The following ANXA8L1 variants were observed in gnomAD, a reference collection of about 807,000 sequenced individuals.
ANXA8L1 encodes annexin A8-like protein 1.
A neutral mutation model predicts 22.5 loss-of-function variants in ANXA8L1; 10 were observed. The observed-to-expected ratio is 0.44, with a 90% confidence interval of 0.27 to 0.75. The LOEUF (loss-of-function observed/expected upper bound fraction) is 0.75, where lower values mean the gene tolerates loss of function less well. Among genes scored for constraint, ANXA8L1 ranks in the 30% least tolerant of loss-of-function variants. ANXA8L1 has a pLI of 0.15. For missense variants in ANXA8L1, 88 were observed against 219.6 expected, an observed-to-expected ratio of 0.40 and a Z score of 3.79; for synonymous variants, 36 against 86.0, an observed-to-expected ratio of 0.42 and a Z score of 3.22.
rs1235909247 is a variant in ANXA8L1, at chr10:46,378,785, A to G, written c.22-1100A>G. On this transcript the variant is annotated intron_variant, in intron 1 of 11. Coordinates refer to ENST00000619162, the MANE Select transcript of ANXA8L1 (RefSeq NM_001098845.3). The stretch of plus-strand genomic sequence containing the variant: ...TTTGAAATTAAAGCAAAGAGTTCAG[A>G]AAGATGCCTTACCTCTTACTCAAAG... Among the ~76,000 whole-genome samples the G allele has an allele frequency of 1.0e-3, 97 of 96,548 alleles. 1 individual carries two copies. Among genetic ancestry groups the G allele is most frequent in the African/African-American group, 4.8e-3 (94 of 19,592 alleles). The allele number at this position is 96,548 out of a possible 152,430, so 63.3% of individuals were successfully genotyped here. A position where few individuals can be genotyped will look rare whatever the true frequency, so the allele number is the denominator to read the frequency against.
Position 46,384,791 on chromosome 10 carries a change from G to T in ANXA8L1, c.510G>T (p.Val170=), listed in dbSNP as rs1840015115. 1 of 1,613,172 alleles carries T rather than the reference G, an allele frequency of 6.2e-7. No homozygotes were observed. The highest frequency in any genetic ancestry group is 1.3e-5 in the African/African-American group (1 of 74,346). Reference sequence around the variant, plus strand: ...GTTCCTAGGGCAGCAGGGATGATGTGAGCAGCTTTGTGGACCCGGCACTGG... The same window carrying T: ...GTTCCTAGGGCAGCAGGGATGATGTTAGCAGCTTTGTGGACCCGGCACTGG... ...VCLLQGSRDD[V]SSFVDPALAL... The change falls in exon 7 of 12, where the codon GTG becomes GTT. Residue 170 remains valine (V), a synonymous_variant. Transcript: ENST00000619162.
Position 46,390,957 on chromosome 10 carries a change from A to G in ANXA8L1, c.*27A>G. 1.5e-6 allele frequency: 2 copies of G among 1,316,748 alleles called. No homozygotes were observed. The highest frequency in any genetic ancestry group is 2.7e-4 in the Middle Eastern group (1 of 3,760). 81.6% of individuals were successfully genotyped at this position (1,316,748 alleles called of 1,614,324 possible). On this transcript the variant is annotated 3_prime_UTR_variant, in exon 12 of 12. Coordinates refer to ENST00000619162, the MANE Select transcript of ANXA8L1 (RefSeq NM_001098845.3). ...GCACAGAAGAACAAGAGCAAAGACC[A>G]TGAAGCCAGAGTCTCCAGGACTCCT...
chr10:46,384,860 G>A, intron 7 of ANXA8L1, 27 bp downstream of exon 7: 1 of 1,612,064 alleles, frequency 6.2e-7, no homozygotes, highest in Non-Finnish European at 8.5e-7. Flanking sequence ...CCGGCCATGT[G>A]GCCCCACCCC....
chr10:46,385,013 G>A (rs1840020108), intron 7 of ANXA8L1, among the ~76,000 whole-genome samples, 180 bp downstream of exon 7: 1 of 126,470 alleles, frequency 7.9e-6, no homozygotes, highest in Non-Finnish European at 1.7e-5. Flanking sequence ...CGGGAGGAAG[G>A]AGTGTGACTT....
chr10:46,377,033 G>A (rs1839937159), intron 1 of ANXA8L1, among the ~76,000 whole-genome samples: 1 of 101,756 alleles, frequency 9.8e-6, no homozygotes, highest in African/African-American at 3.3e-5. Flanking sequence ...TTCTGGACAG[G>A]TGGGACAAAG....
chr10:46,384,684 A>C lies in ANXA8L1; in HGVS notation c.493-90A>C. 3 of 1,609,572 alleles carry C rather than the reference A, an allele frequency of 1.9e-6. No individual in the cohort carries two copies. The South Asian group carries it at 3.3e-5, about 18-fold the overall frequency. On this transcript the variant is annotated intron_variant, in intron 6 of 11. Transcript: ENST00000619162. ...TCCACAGCCAAAGAGCAGCAGAGCCATGCCTACCCTCCAAGCCCAGGATCC... is the reference window on the plus strand; with the variant it reads ...TCCACAGCCAAAGAGCAGCAGAGCCCTGCCTACCCTCCAAGCCCAGGATCC...
chr10:46,384,652 C>T (rs1339550631), intron 6 of ANXA8L1, 122 bp from the exon 7 acceptor site: 65 of 1,559,758 alleles, frequency 4.2e-5, no homozygotes, highest in East Asian at 3.4e-4. Context: ...ACTGGCTTGT[C>T]GAAGTTTCCA....
chr10:46,384,715 G>C, intron 6 of ANXA8L1, 59 bp from the exon 7 acceptor site: 1 of 1,612,226 alleles, frequency 6.2e-7, no homozygotes, highest in South Asian at 1.1e-5. Flanking sequence ...GATCCCCCCT[G>C]TGCCCTTAAT....
chr10:46,388,673 A>AC (rs1446782568), intron 11 of ANXA8L1, among the ~76,000 whole-genome samples, 158 bp downstream of exon 11: 1 of 106,104 alleles, frequency 9.4e-6, no homozygotes, highest in African/African-American at 3.7e-5. Flanking sequence ...AGCAGAGGTC[A>AC]GTGTGGCTGG....
At chr10:46,384,879 T>C (rs1462542861) in intron 7 of ANXA8L1, 46 bp downstream of exon 7, 1 of 1,611,090 alleles carries the variant, frequency 6.2e-7, no homozygotes, top group Non-Finnish European at 8.5e-7. Flanking sequence ...CCCTGCCATC[T>C]GGACTCCGGC....
rs2133012449 is a variant in ANXA8L1 at position 46,383,542 on chromosome 10, G to A, written c.408G>A (p.Glu136=). Residue 136 remains glutamate (E), a synonymous_variant, in exon 5 of 12, where the codon GAG becomes GAA. Coordinates refer to ENST00000619162, the MANE Select transcript of ANXA8L1 (RefSeq NM_001098845.3). ...TGCGGGAGATAATGAAGGCGTATGA[G>A]GAAGGTAAGGGGTGGCACAGATGGA... The part of the protein sequence containing the change: ...NQLREIMKAY[E]EDYGSSLEED... 9 of 757,446 alleles carry A rather than the reference G, an allele frequency of 1.2e-5. No homozygotes were observed. The East Asian group carries it at 2.6e-4, about 21-fold the overall frequency. The allele number at this position is 757,446 out of a possible 1,614,324, so 46.9% of individuals were successfully genotyped here.
intron 11 of ANXA8L1, among the ~76,000 whole-genome samples, chr10:46,390,115 A>C (rs1293578159): frequency 1.3e-5 from 2 of 150,088 alleles, no homozygotes; most frequent in African/African-American, 5.0e-5. Context: ...ATGAAGAAGA[A>C]TCTGGGTGAT....
rs782164279 is a variant in ANXA8L1, at chr10:46,390,909, C to A, written c.963C>A (p.Ser321Arg). Residue 321 changes from serine (S) to arginine (R), a missense_variant, in exon 12 of 12, where the codon AGC becomes AGA. By Grantham distance (110) the Ser-to-Arg change is moderately radical. Transcript: ENST00000619162. ...TSGDYKNALLSLVGSDP is the reference protein window; with the variant it reads ...TSGDYKNALLRLVGSDP ...GCGACTACAAGAACGCCCTGCTGAG[C>A]CTGGTGGGCAGCGACCCCTGAGGCA... is the stretch of plus-strand genomic sequence containing the variant. The A allele has an allele frequency of 2.9e-6, 4 of 1,396,984 alleles. No individual in the cohort carries two copies. The Admixed American group carries it at 7.7e-5, about 27-fold the overall frequency. The allele number at this position is 1,396,984 out of a possible 1,614,324, so 86.5% of individuals were successfully genotyped here. A position where few individuals can be genotyped will look rare whatever the true frequency, so the allele number is the denominator to read the frequency against.
intron 7 of ANXA8L1, 41 bp downstream of exon 7, chr10:46,384,874 C>T: frequency 6.2e-7 from 1 of 1,611,560 alleles, no homozygotes; most frequent in Non-Finnish European, 8.5e-7. Flanking sequence ...CCACCCCCTG[C>T]CATCTGGACT....
intron 11 of ANXA8L1, among the ~76,000 whole-genome samples, chr10:46,389,795 T>C (rs1353125309): frequency 7.3e-5 from 11 of 151,466 alleles, no homozygotes; most frequent in Non-Finnish European, 1.5e-4. Context: ...CGCAGGAGGA[T>C]CGCTTGAGCC....
chr10:46,376,128 G>A (rs12415441), intron 1 of ANXA8L1, among the ~76,000 whole-genome samples: 44,663 of 132,520 alleles, frequency 0.34, 4,356 homozygotes, highest in Admixed American at 0.39. Context: ...GGGAAGCTGA[G>A]GTTTGAGAAG....
At chr10:46,376,025 C>T in intron 1 of ANXA8L1, 153 bp downstream of exon 1, 1 of 1,200,722 alleles carries the variant, frequency 8.3e-7, no homozygotes, top group South Asian at 1.3e-5. Flanking sequence ...TGGGAAGGGG[C>T]CGAGAAGAAA....
chr10:46,379,007 T>C (rs1441645885), intron 1 of ANXA8L1, among the ~76,000 whole-genome samples: 1 of 133,566 alleles, frequency 7.5e-6, no homozygotes. Flanking sequence ...GGGCAGATGA[T>C]GGAGGTGATG....
intron 10 of ANXA8L1, 55 bp from the exon 11 acceptor site, chr10:46,388,338 C>CA: frequency 1.3e-5 from 2 of 159,634 alleles, no homozygotes; most frequent in African/African-American, 2.1e-4. Flanking sequence ...GTCCATCACT[C>CA]AGAGATGGAC....
Sources: allele counts gnomAD v4.1 joint callset (sites outside exome capture counted in the v4.1 genomes callset), GRCh38; gene constraint gnomAD v4.1.1; transcripts MANE v1.5; gene names NCBI Gene and HGNC (gene_info 2026-07-23, HGNC 2026-07-21).